SLC30A4: variants seen among roughly 807,000 people sequenced by gnomAD.
SLC30A4 encodes solute carrier family 30 member 4.
SLC30A4 carries 20 observed loss-of-function variants against 41.7 expected under a neutral mutation model. The observed-to-expected ratio is 0.48, with a 90% CI of 0.34 to 0.70. SLC30A4 has a LOEUF of 0.70. Ranked by LOEUF, SLC30A4 falls within the 30% of genes least tolerant of loss-of-function variation. The probability of loss-of-function intolerance (pLI) is 0.01; values close to 1 mark genes in which losing one functional copy is unlikely to be tolerated. For missense variants in SLC30A4, 441 were observed against 529.3 expected (o/e 0.83, Z 1.64); for synonymous variants, 181 against 195.9 (o/e 0.92, Z 0.64).
At chr15:45,501,139 C>G (rs1892023800) in intron 3 of SLC30A4, among the ~76,000 whole-genome samples, 1 of 151,518 alleles carries the variant, frequency 6.6e-6, no homozygotes, top group South Asian at 2.1e-4. Context: ...AACCCCGTCT[C>G]TACTAAAAAT....
intron 2 of SLC30A4, among the ~76,000 whole-genome samples, chr15:45,514,995 T>C (rs1220197409): frequency 6.6e-6 from 1 of 151,988 alleles, no homozygotes; most frequent in East Asian, 1.9e-4. Context: ...TCCTTCCACC[T>C]CAGCCTCCTT....
chr15:45,511,261 C>G lies in SLC30A4; in HGVS notation c.415G>C (p.Ala139Pro). ...LVGGYIANSL[A>P]IMTDALHMLT... is the part of the protein sequence containing the mutation. ...ATATGAAGTGCATCTGTCATGATTGCTAGGCTATTTGCAATGTATCCACCT... is the reference window on the plus strand; with the variant it reads ...ATATGAAGTGCATCTGTCATGATTGGTAGGCTATTTGCAATGTATCCACCT... The change falls in exon 3 of 8, where the codon GCA (alanine) becomes CCA (proline). Residue 139 changes from alanine to proline, a missense_variant. This residue lies in a region of SLC30A4 where 312 missense variants were observed against 341.9 expected (regional missense o/e 0.91). Coordinates refer to ENST00000261867, the MANE Select transcript of SLC30A4 (RefSeq NM_013309.6). 1 of 1,608,154 alleles carries G rather than the reference C, an allele frequency of 6.2e-7. No individual in the cohort carries two copies. Among genetic ancestry groups the G allele is most frequent in the Non-Finnish European group, 8.5e-7 (1 of 1,177,082 alleles).
At chr15:45,506,426 T>G (rs574254423) in intron 3 of SLC30A4, among the ~76,000 whole-genome samples, 1 of 152,250 alleles carries the variant, frequency 6.6e-6, no homozygotes, top group African/African-American at 2.4e-5. Context: ...AAGTCTGGAA[T>G]TAGAGATCAC....
chr15:45,486,292 G>A (rs565709447), intron 7 of SLC30A4, among the ~76,000 whole-genome samples: 36 of 152,274 alleles, frequency 2.4e-4, no homozygotes, highest in African/African-American at 8.7e-4. Flanking sequence ...CAAAGTGCTA[G>A]GATTACAGGT....
At chr15:45,513,201 C>CT (rs539115300) in intron 2 of SLC30A4, among the ~76,000 whole-genome samples, 1,872 of 130,146 alleles carry the variant, frequency 0.014, 21 homozygotes, top group African/African-American at 0.031. Flanking sequence ...ATTAATTAAA[C>CT]TTTTTTTTTT....
At chr15:45,517,814 G>A (rs977031058) in intron 2 of SLC30A4, among the ~76,000 whole-genome samples, 13 of 151,988 alleles carry the variant, frequency 8.6e-5, no homozygotes, top group African/African-American at 3.1e-4. Context: ...TAGGCGCGGT[G>A]GGGGGCGCCT....
chr15:45,500,593 A>T (rs1892000296), intron 3 of SLC30A4, among the ~76,000 whole-genome samples: 1 of 152,172 alleles, frequency 6.6e-6, no homozygotes, highest in Non-Finnish European at 1.5e-5. Context: ...CAACAGTACT[A>T]TCCAGCTATG....
intron 3 of SLC30A4, among the ~76,000 whole-genome samples, chr15:45,506,888 G>T (rs1485601066): frequency 6.6e-6 from 1 of 152,034 alleles, no homozygotes; most frequent in Non-Finnish European, 1.5e-5. Flanking sequence ...CAATTCAGTG[G>T]TTTTCAGTAC....
At chr15:45,499,275 T>C (rs1891969145) in intron 3 of SLC30A4, among the ~76,000 whole-genome samples, 1 of 152,092 alleles carries the variant, frequency 6.6e-6, no homozygotes, top group Non-Finnish European at 1.5e-5. Context: ...GGTTTCACCA[T>C]GTTAGCCAGG....
chr15:45,485,460 A>G lies in SLC30A4; in HGVS notation c.1136-143T>C. ...CCTCTCTAAGCTATTCTGTTAGATA[A>G]GTAGGTCAATTTACACATCCTTAAT... On this transcript the variant is annotated intron_variant, in intron 7 of 7. Coordinates refer to ENST00000261867, the MANE Select transcript of SLC30A4 (RefSeq NM_013309.6). 5 of 587,894 alleles carry G rather than the reference A, an allele frequency of 8.5e-6. No homozygotes were observed. The South Asian group carries it at 1.3e-4, about 15-fold the overall frequency. 36.4% of individuals were successfully genotyped at this position (587,894 alleles called of 1,614,324 possible). A position where few individuals can be genotyped will look rare whatever the true frequency, so the allele number is the denominator to read the frequency against.
intron 2 of SLC30A4, among the ~76,000 whole-genome samples, chr15:45,514,904 G>A (rs1196566470): frequency 2.6e-5 from 4 of 152,026 alleles, no homozygotes; most frequent in Admixed American, 2.6e-4. Context: ...TTTTGAGGTA[G>A]GGTCTTGCTC....
chr15:45,506,697 A>G (rs762691479), intron 3 of SLC30A4, among the ~76,000 whole-genome samples: 7 of 152,248 alleles, frequency 4.6e-5, no homozygotes, highest in Non-Finnish European at 8.8e-5. Context: ...AATATTTCAG[A>G]ATACAAAACA....
At chr15:45,487,451 A>C (rs1222766578) in intron 6 of SLC30A4, 76 bp downstream of exon 6, 1 of 737,568 alleles carries the variant, frequency 1.4e-6, no homozygotes, top group East Asian at 2.5e-5. Flanking sequence ...TGTAATTCCT[A>C]TTCAGAATGT....
Position 45,483,341 on chromosome 15 carries a change from C to G in SLC30A4, c.*1822G>C, listed in dbSNP as rs1350163344. ...GGTACATTGTTACCCTACTCTGATT[C>G]TTAGAGGAGCCCAATAACCATATCC... On this transcript the variant is annotated 3_prime_UTR_variant, in exon 8 of 8. Transcript: ENST00000261867. 6.6e-6 allele frequency: 1 copy of G among 152,210 alleles called. No individual in the cohort carries two copies. The highest frequency in any genetic ancestry group is 6.5e-5 in the Admixed American group (1 of 15,280). 9.4% of individuals were successfully genotyped at this position (152,210 alleles called of 1,614,324 possible).
At chr15:45,497,554 T>C (rs1395589770) in intron 3 of SLC30A4, among the ~76,000 whole-genome samples, 2 of 152,046 alleles carry the variant, frequency 1.3e-5, no homozygotes, top group African/African-American at 2.4e-5. Context: ...AATGATCTAA[T>C]AAAAACTAAA....
At chr15:45,519,043 G>A (rs1045066861) in intron 2 of SLC30A4, among the ~76,000 whole-genome samples, 1 of 150,368 alleles carries the variant, frequency 6.7e-6, no homozygotes, top group African/African-American at 2.5e-5. Context: ...GCGATTTCTG[G>A]CTAATTTTTG....
intron 3 of SLC30A4, among the ~76,000 whole-genome samples, chr15:45,496,821 T>A (rs1891914876): frequency 1.3e-5 from 2 of 148,674 alleles, no homozygotes; most frequent in Non-Finnish European, 3.0e-5. Flanking sequence ...CATGGTGAAA[T>A]CCCATCTCTG....
chr15:45,501,884 T>C (rs1019739580), intron 3 of SLC30A4, among the ~76,000 whole-genome samples: 1 of 152,100 alleles, frequency 6.6e-6, no homozygotes, highest in Non-Finnish European at 1.5e-5. Context: ...AGACAGAGTT[T>C]CATAAAAATA....
chr15:45,489,036 C>A lies in SLC30A4; in HGVS notation c.699G>T (p.Gly233=), dbSNP rs200005397. The part of the protein sequence containing the change: ...AVGVAVNVIM[G]FLLNQSGHRH... The stretch of plus-strand genomic sequence containing the variant: ...GGTGACCAGACTGGTTCAACAGAAA[C>A]CCCATTCTGTTAAAAATAAAAGAAA... Residue 233 remains glycine, a synonymous_variant, in exon 5 of 8, where the codon GGG becomes GGT. Transcript: ENST00000261867. The A allele has an allele frequency of 8.5e-5, 136 of 1,597,464 alleles. No homozygotes were observed. The South Asian group carries it at 1.4e-3, about 16-fold the overall frequency.
Sources: allele counts gnomAD v4.1 joint callset (sites outside exome capture counted in the v4.1 genomes callset), GRCh38; gene constraint gnomAD v4.1.1; regional missense constraint gnomAD v4.1.1; transcripts MANE v1.5; gene names NCBI Gene and HGNC (gene_info 2026-07-23, HGNC 2026-07-21).